Variants in PDSS2 observed in about 807,000 individuals in gnomAD.
The protein encoded by PDSS2 is decaprenyl diphosphate synthase subunit 2.
A neutral mutation model predicts 44.5 loss-of-function variants in PDSS2; 31 were observed. That is an observed-to-expected ratio of 0.70 (90% CI 0.52 to 0.94). The LOEUF (loss-of-function observed/expected upper bound fraction) is 0.94, where lower values mean the gene tolerates loss of function less well. Among genes scored for constraint, PDSS2 ranks in the 40% least tolerant of loss-of-function variants. The pLI, the probability that PDSS2 is intolerant of heterozygous loss-of-function variation, is 0.00. For missense variants in PDSS2, 452 were observed against 482.2 expected (o/e 0.94, Z 0.59); for synonymous variants, 157 against 180.3 (o/e 0.87, Z 1.03).
intron 1 of PDSS2, among the ~76,000 whole-genome samples, chr6:107,396,256 C>G (rs1005366702): frequency 3.3e-5 from 5 of 152,150 alleles, no homozygotes; most frequent in African/African-American, 7.2e-5. Context: ...TGTTATATCA[C>G]CTTGCACATC....
chr6:107,336,669 T>A (rs1414272595), intron 1 of PDSS2, among the ~76,000 whole-genome samples: 1 of 151,354 alleles, frequency 6.6e-6, no homozygotes, highest in Non-Finnish European at 1.5e-5. Flanking sequence ...GCTTTTTAAA[T>A]TTTTTTTTGC....
intron 7 of PDSS2, among the ~76,000 whole-genome samples, chr6:107,171,467 C>T (rs984456694): frequency 6.6e-6 from 1 of 152,044 alleles, no homozygotes; most frequent in Non-Finnish European, 1.5e-5. Context: ...CGTCCATGAT[C>T]TTGGTTCTAA....
chr6:107,396,528 T>G (rs771818072), intron 1 of PDSS2, among the ~76,000 whole-genome samples: 2 of 152,234 alleles, frequency 1.3e-5, no homozygotes, highest in African/African-American at 2.4e-5. Context: ...ATGGCAATTC[T>G]AGATCCTGTT....
chr6:107,324,423 A>G (rs1777474991), intron 2 of PDSS2, among the ~76,000 whole-genome samples: 1 of 152,232 alleles, frequency 6.6e-6, no homozygotes, highest in South Asian at 2.1e-4. Flanking sequence ...CTTGTAGTAC[A>G]AAAAGATACG....
At chr6:107,434,288 AG>A (rs1781281814) in intron 1 of PDSS2, among the ~76,000 whole-genome samples, 3 of 152,248 alleles carry the variant, frequency 2.0e-5, no homozygotes, top group Admixed American at 2.0e-4. Flanking sequence ...AGTATACTGA[AG>A]AGATAGCTAT....
At chr6:107,232,148 T>A (rs1774073868) in intron 4 of PDSS2, among the ~76,000 whole-genome samples, 1 of 152,074 alleles carries the variant, frequency 6.6e-6, no homozygotes, top group Non-Finnish European at 1.5e-5. Context: ...TAAAACAGAG[T>A]AATAACTAAA....
intron 1 of PDSS2, among the ~76,000 whole-genome samples, chr6:107,394,098 T>A (rs1779866595): frequency 6.6e-6 from 1 of 152,206 alleles, no homozygotes; most frequent in Admixed American, 6.5e-5. Context: ...TTACTATTTG[T>A]TTTCTGTTTG....
chr6:107,386,687 A>C (rs1779621749), intron 1 of PDSS2, among the ~76,000 whole-genome samples: 1 of 152,232 alleles, frequency 6.6e-6, no homozygotes, highest in Non-Finnish European at 1.5e-5. Flanking sequence ...GGATTAGGGT[A>C]CAGCAGACTG....
At chr6:107,313,304 T>A (rs1465286898) in intron 2 of PDSS2, among the ~76,000 whole-genome samples, 3 of 152,346 alleles carry the variant, frequency 2.0e-5, no homozygotes, top group South Asian at 2.1e-4. Context: ...TCCAATTCTA[T>A]GTTTTCAGAA....
chr6:107,458,426 A>AAAAAAAAAAAAAAAC (rs1562555803), intron 1 of PDSS2, among the ~76,000 whole-genome samples: 10 of 140,386 alleles, frequency 7.1e-5, no homozygotes, highest in Non-Finnish European at 1.4e-4. Context: ...AAAAAAAAAA[A>AAAAAAAAAAAAAAAC]AAAAAACTTT....
At chr6:107,316,639 G>A (rs1777210155) in intron 2 of PDSS2, among the ~76,000 whole-genome samples, 1 of 151,322 alleles carries the variant, frequency 6.6e-6, no homozygotes. Context: ...CGTGAATATT[G>A]GGCCTTTTTA....
intron 1 of PDSS2, among the ~76,000 whole-genome samples, chr6:107,376,202 T>G (rs1285477488): frequency 2.0e-5 from 3 of 152,188 alleles, no homozygotes; most frequent in African/African-American, 7.2e-5. Flanking sequence ...GTGTGATGCC[T>G]CCAGCTTTGT....
At chr6:107,210,955 CA>C (rs1210726033) in intron 5 of PDSS2, among the ~76,000 whole-genome samples, 1 of 150,624 alleles carries the variant, frequency 6.6e-6, no homozygotes, top group African/African-American at 2.5e-5. Context: ...GAGATTGCGC[CA>C]CTGCACTCCC....
At chr6:107,364,037 A>T (rs1461155361) in intron 1 of PDSS2, among the ~76,000 whole-genome samples, 1 of 152,144 alleles carries the variant, frequency 6.6e-6, no homozygotes, top group African/African-American at 2.4e-5. Flanking sequence ...CGTCCTCACC[A>T]GAGCAGCTAG....
In PDSS2 at chr6:107,155,581, CT is replaced by C. The variant is rs398066143; in HGVS notation, c.1042-805del. Among the ~76,000 whole-genome samples the C allele has an allele frequency of 9.4e-3, 1,284 of 136,644 alleles. 5 individuals are homozygous for C. Among genetic ancestry groups the C allele is most frequent in the Non-Finnish European group, 0.015 (964 of 62,954 alleles). 89.6% of individuals were successfully genotyped at this position (136,644 alleles called of 152,430 possible). On this transcript the variant is annotated intron_variant, in intron 7 of 7. Transcript: ENST00000369037. Reference sequence around the variant, plus strand: ...CACATAGTATTAGATCTGAATGTTACTTTTTTTTTTTTTTTTTGAGACGGAG... The same window carrying C: ...CACATAGTATTAGATCTGAATGTTACTTTTTTTTTTTTTTTTGAGACGGAG...
chr6:107,274,331 A>C (rs1460834819), intron 2 of PDSS2, 104 bp from the exon 3 acceptor site: 66 of 888,320 alleles, frequency 7.4e-5, no homozygotes, highest in Middle Eastern at 3.2e-4. Flanking sequence ...GTTGCCCCCC[A>C]CTTTTTTTTT....
At chr6:107,351,304 T>C (rs1054659855) in intron 1 of PDSS2, among the ~76,000 whole-genome samples, 2 of 152,322 alleles carry the variant, frequency 1.3e-5, no homozygotes, top group African/African-American at 4.8e-5. Context: ...TGTTAACAAA[T>C]ACAGCTGTAT....
At chr6:107,390,751 T>C (rs1258929293) in intron 1 of PDSS2, among the ~76,000 whole-genome samples, 2 of 152,108 alleles carry the variant, frequency 1.3e-5, no homozygotes, top group African/African-American at 4.8e-5. Context: ...AAATCTAACA[T>C]TATTCCAAAT....
chr6:107,341,121 A>G (rs1461508047), intron 1 of PDSS2, among the ~76,000 whole-genome samples: 1 of 152,120 alleles, frequency 6.6e-6, no homozygotes, highest in Non-Finnish European at 1.5e-5. Context: ...AGTTAGGAGG[A>G]GCCTCTTCTA....
Sources: gnomAD v4.1 joint callset for allele counts (sites outside exome capture counted in the v4.1 genomes callset) on GRCh38, gnomAD v4.1.1 for gene constraint, MANE v1.5 for transcripts, NCBI Gene and HGNC (gene_info 2026-07-23, HGNC 2026-07-21) for gene names.